The following PTCHD4 variants were observed in gnomAD, a reference collection of about 807,000 sequenced individuals.
The protein encoded by PTCHD4 is patched domain containing 4, also known as patched domain-containing protein 4.
In PTCHD4, 33 loss-of-function variants were observed where a neutral mutation model predicts 58.1. The ratio of observed to expected loss-of-function variants is 0.57; its 90% CI spans 0.43 to 0.76. PTCHD4 has a LOEUF of 0.76. Among genes scored for constraint, PTCHD4 ranks in the 30% least tolerant of loss-of-function variants. The pLI, the probability that PTCHD4 is intolerant of heterozygous loss-of-function variation, is 0.00. For missense variants in PTCHD4, 1,058 were observed against 1,027.1 expected, an observed-to-expected ratio of 1.03 and a Z score of -0.41; for synonymous variants, 478 against 409.6, an observed-to-expected ratio of 1.17 and a Z score of -2.02.
chr6:48,107,258 G>A (rs982214775), intron 1 of PTCHD4, among the ~76,000 whole-genome samples: 1 of 152,116 alleles, frequency 6.6e-6, no homozygotes, highest in African/African-American at 2.4e-5. Flanking sequence ...CAGAGATATA[G>A]ACCAATGGAA....
chr6:48,022,052 T>A (rs759587883), intron 3 of PTCHD4, among the ~76,000 whole-genome samples: 4 of 152,134 alleles, frequency 2.6e-5, no homozygotes, highest in Non-Finnish European at 5.9e-5. Context: ...TGTCTTAATC[T>A]TTTGATAAAA....
At chr6:47,973,299 G>A (rs564768154) in intron 4 of PTCHD4, among the ~76,000 whole-genome samples, 21 of 152,294 alleles carry the variant, frequency 1.4e-4, no homozygotes, top group Non-Finnish European at 2.5e-4. Flanking sequence ...TCATACCTAA[G>A]ATTTTCTGTT....
chr6:47,900,438 G>A (rs2114144969), intron 4 of PTCHD4: 1 of 152,108 alleles, frequency 6.6e-6, no homozygotes, highest in East Asian at 1.9e-4. Flanking sequence ...ATGTCTATTC[G>A]AATCTTCTGT....
chr6:48,070,941 T>G (rs1764965397), intron 1 of PTCHD4, among the ~76,000 whole-genome samples: 1 of 152,244 alleles, frequency 6.6e-6, no homozygotes, highest in Non-Finnish European at 1.5e-5. Flanking sequence ...GTTAAATTTT[T>G]TAATAGCCTT....
intron 4 of PTCHD4, among the ~76,000 whole-genome samples, chr6:47,940,184 C>T (rs1766158149): frequency 6.6e-6 from 1 of 151,818 alleles, no homozygotes; most frequent in African/African-American, 2.4e-5. Flanking sequence ...CATACATGAC[C>T]ACAAAGACAA....
At chr6:47,980,099 G>T (rs1347687112) in intron 4 of PTCHD4, among the ~76,000 whole-genome samples, 1 of 151,970 alleles carries the variant, frequency 6.6e-6, no homozygotes, top group African/African-American at 2.4e-5. Context: ...TTTATTTCAT[G>T]CATAGAGTAA....
chr6:47,935,721 C>A (rs1345890786), intron 4 of PTCHD4, among the ~76,000 whole-genome samples: 2 of 152,144 alleles, frequency 1.3e-5, no homozygotes, highest in South Asian at 4.1e-4. Context: ...AGGTGCCAGA[C>A]ATCATTTTAG....
At chr6:47,903,877 G>A (rs1202083233) in intron 4 of PTCHD4, among the ~76,000 whole-genome samples, 2 of 152,166 alleles carry the variant, frequency 1.3e-5, no homozygotes. Flanking sequence ...TTTTTGATAG[G>A]GCAGCCAAGA....
At chr6:47,938,288 C>T (rs904230647) in intron 4 of PTCHD4, among the ~76,000 whole-genome samples, 1 of 152,150 alleles carries the variant, frequency 6.6e-6, no homozygotes, top group Non-Finnish European at 1.5e-5. Flanking sequence ...GGGAACTGGA[C>T]ATGAATTGTC....
In PTCHD4 at chr6:47,861,721, T is replaced by C. The variant is rs1240588963; in HGVS notation, c.*16582A>G. On this transcript the variant is annotated 3_prime_UTR_variant, in exon 5 of 5. Coordinates refer to ENST00000339488, the MANE Select transcript of PTCHD4 (RefSeq NM_001384253.1). ...TAATAACTCTAGTTTTGCCAATGTC[T>C]CATAACAAATGTTTCAGTGAAAGCA... Among the ~76,000 whole-genome samples, 8 of 151,960 alleles carry C rather than the reference T, an allele frequency of 5.3e-5. No homozygotes were observed. Among genetic ancestry groups the C allele is most frequent in the Admixed American group, 5.3e-4 (8 of 15,224 alleles).
chr6:47,920,300 T>C (rs556129339), intron 4 of PTCHD4, among the ~76,000 whole-genome samples: 1 of 152,230 alleles, frequency 6.6e-6, no homozygotes, highest in South Asian at 2.1e-4. Context: ...AGAAAATGTA[T>C]ATGTATATAC....
At chr6:47,976,002 A>T (rs1206067213) in intron 4 of PTCHD4, among the ~76,000 whole-genome samples, 1 of 152,098 alleles carries the variant, frequency 6.6e-6, no homozygotes, top group African/African-American at 2.4e-5. Context: ...GGTTGGCAAT[A>T]CCTTTTTCGA....
At chr6:47,972,253 C>T (rs993428123) in intron 4 of PTCHD4, among the ~76,000 whole-genome samples, 3 of 152,150 alleles carry the variant, frequency 2.0e-5, no homozygotes, top group Admixed American at 2.0e-4. Context: ...TATGAATTTA[C>T]TGAAAAAGCT....
At chr6:47,890,790 C>T in intron 4 of PTCHD4, 2 of 515,542 alleles carry the variant, frequency 3.9e-6, no homozygotes, top group Non-Finnish European at 5.0e-6. Context: ...GATGAAGCAC[C>T]ACTGCAGAGC....
At chr6:47,884,003 C>T (rs2114108014) in intron 4 of PTCHD4, among the ~76,000 whole-genome samples, 1 of 152,086 alleles carries the variant, frequency 6.6e-6, no homozygotes, top group East Asian at 1.9e-4. Flanking sequence ...CAAATTATTC[C>T]AGAATCCCGT....
At chr6:47,958,125 T>A (rs547336708) in intron 4 of PTCHD4, among the ~76,000 whole-genome samples, 1 of 152,342 alleles carries the variant, frequency 6.6e-6, no homozygotes, top group Non-Finnish European at 1.5e-5. Flanking sequence ...GTGGGTTTTG[T>A]TTTTATTTCA....
intron 3 of PTCHD4, among the ~76,000 whole-genome samples, chr6:48,034,712 C>T (rs1019360911): frequency 6.6e-6 from 1 of 152,082 alleles, no homozygotes; most frequent in Non-Finnish European, 1.5e-5. Flanking sequence ...GCCAGCACTT[C>T]CATCGGATCT....
At chr6:48,031,171 C>G (rs1261644002) in intron 3 of PTCHD4, among the ~76,000 whole-genome samples, 2 of 152,104 alleles carry the variant, frequency 1.3e-5, no homozygotes, top group East Asian at 3.9e-4. Context: ...CCCTTGATAT[C>G]TAGTCTAATT....
intron 4 of PTCHD4, among the ~76,000 whole-genome samples, chr6:48,003,634 G>A (rs1768825350): frequency 6.6e-6 from 1 of 152,144 alleles, no homozygotes; most frequent in African/African-American, 2.4e-5. Context: ...TTTATGTAAT[G>A]TAGACAAAAA....
Sources: gnomAD v4.1 joint callset for allele counts (sites outside exome capture counted in the v4.1 genomes callset) on GRCh38, gnomAD v4.1.1 for gene constraint, MANE v1.5 for transcripts, NCBI Gene and HGNC (gene_info 2026-07-23, HGNC 2026-07-21) for gene names.